ZFHX3: variants seen among roughly 807,000 people sequenced by gnomAD.
ZFHX3 encodes zinc finger homeobox 3.
Under a neutral mutation model 279.1 loss-of-function variants are expected in ZFHX3, and 42 were observed. The observed-to-expected ratio is 0.15, with a 90% CI of 0.12 to 0.19. ZFHX3 has a LOEUF of 0.19. Among genes scored for constraint, ZFHX3 ranks in the 10% least tolerant of loss-of-function variants. The probability of loss-of-function intolerance (pLI) is 1.00; values close to 1 mark genes in which losing one functional copy is unlikely to be tolerated. For missense variants in ZFHX3, 4,981 were observed against 4,754.0 expected (o/e 1.05, Z -1.40); for synonymous variants, 2,293 against 1,957.8 (o/e 1.17, Z -4.52).
intron 4 of ZFHX3, among the ~76,000 whole-genome samples, chr16:72,850,574 G>A (rs1567547240): frequency 6.6e-6 from 1 of 152,160 alleles, no homozygotes; most frequent in African/African-American, 2.4e-5. Context: ...TGGGTCCACA[G>A]AACCATGGAC....
chr16:72,822,838 G>T (rs1347161674), intron 5 of ZFHX3, among the ~76,000 whole-genome samples: 1 of 131,396 alleles, frequency 7.6e-6, no homozygotes, highest in East Asian at 2.3e-4. Flanking sequence ...ACCTGCCTTA[G>T]ATATGTGTGC....
intron 1 of ZFHX3, among the ~76,000 whole-genome samples, chr16:73,014,832 C>T (rs935907779): frequency 6.6e-6 from 1 of 151,756 alleles, no homozygotes; most frequent in Non-Finnish European, 1.5e-5. Context: ...CTTCTTACGG[C>T]ATCAAGAGGA....
chr16:73,096,922 T>G (rs1966171249), intron 7 of ZFHX3, among the ~76,000 whole-genome samples: 1 of 152,146 alleles, frequency 6.6e-6, no homozygotes, highest in African/African-American at 2.4e-5. Flanking sequence ...AGATGAGATC[T>G]TAAAACACAG....
rs573108428 is a variant in ZFHX3 at position 73,613,013 on chromosome 16, C to T, written c.-1547+67167G>A. 3.3e-5 allele frequency among the ~76,000 whole-genome samples: 5 copies of T among 152,250 alleles called. No individual in the cohort carries two copies. In the East Asian group the frequency reaches 9.6e-4, roughly 29 times the overall value. On this transcript the variant is annotated intron_variant, in intron 2 of 17. Coordinates refer to the ZFHX3 transcript ENST00000641206. ...GAGAAAAAAATTAGAGGAGAAAATT[C>T]TCTAAGAGGAAAGACTAATAAGATA...
intron 3 of ZFHX3, among the ~76,000 whole-genome samples, chr16:73,348,821 G>T (rs2143278704): frequency 6.6e-6 from 1 of 152,320 alleles, no homozygotes; most frequent in South Asian, 2.1e-4. Flanking sequence ...AATTCAGCCT[G>T]CCAGAAGCCC....
At chr16:73,024,158 C>T (rs528175667) in intron 1 of ZFHX3, among the ~76,000 whole-genome samples, 2 of 152,322 alleles carry the variant, frequency 1.3e-5, no homozygotes, top group South Asian at 4.1e-4. Context: ...CCTCATCTCA[C>T]ATCCACACAG....
chr16:72,855,164 C>T (rs1201713154), intron 4 of ZFHX3, among the ~76,000 whole-genome samples: 1 of 152,200 alleles, frequency 6.6e-6, no homozygotes, highest in Non-Finnish European at 1.5e-5. Context: ...ATTGTGGTCA[C>T]GTCAACTCCA....
chr16:73,362,503 C>T (rs574727538), intron 3 of ZFHX3, among the ~76,000 whole-genome samples: 48 of 152,284 alleles, frequency 3.2e-4, no homozygotes, highest in African/African-American at 1.1e-3. Context: ...GGTGTTAGGC[C>T]TCACCAGACA....
intron 7 of ZFHX3, among the ~76,000 whole-genome samples, chr16:73,116,291 A>T (rs1322836627): frequency 6.6e-6 from 1 of 152,062 alleles, no homozygotes; most frequent in African/African-American, 2.4e-5. Flanking sequence ...TGTCCCTTGA[A>T]AATTCTGACT....
intron 1 of ZFHX3, among the ~76,000 whole-genome samples, chr16:73,875,329 G>A (rs963528921): frequency 6.6e-6 from 1 of 152,080 alleles, no homozygotes. Flanking sequence ...ACAATTAACT[G>A]CAAGATCCAA....
At chr16:72,925,062 T>C (rs765764708) in intron 3 of ZFHX3, among the ~76,000 whole-genome samples, 1 of 152,250 alleles carries the variant, frequency 6.6e-6, no homozygotes, top group Non-Finnish European at 1.5e-5. Context: ...GTCCCATTCA[T>C]ATTTGCGGTC....
chr16:73,107,832 T>C (rs1966322835), intron 7 of ZFHX3, among the ~76,000 whole-genome samples: 1 of 152,146 alleles, frequency 6.6e-6, no homozygotes, highest in Admixed American at 6.5e-5. Context: ...CTGAGCAACA[T>C]AGTGAGACTT....
At chr16:72,934,989 TAGAA>T (rs1567592180) in intron 3 of ZFHX3, among the ~76,000 whole-genome samples, 2 of 152,222 alleles carry the variant, frequency 1.3e-5, no homozygotes, top group African/African-American at 4.8e-5. Context: ...TTGAATGTAA[TAGAA>T]AGCATCAGAA....
chr16:73,025,178 T>C (rs1409125444), intron 1 of ZFHX3, among the ~76,000 whole-genome samples: 1 of 151,878 alleles, frequency 6.6e-6, no homozygotes, highest in Non-Finnish European at 1.5e-5. Flanking sequence ...GAGAAGAAAA[T>C]GTCATGTCAG....
chr16:73,715,032 C>T (rs2053401113), intron 1 of ZFHX3, among the ~76,000 whole-genome samples: 1 of 152,202 alleles, frequency 6.6e-6, no homozygotes, highest in Non-Finnish European at 1.5e-5. Context: ...TCCCTACCCC[C>T]ATGAAGTTGC....
chr16:73,654,174 A>T (rs1356429176), intron 2 of ZFHX3, among the ~76,000 whole-genome samples: 2 of 146,188 alleles, frequency 1.4e-5, no homozygotes, highest in East Asian at 3.9e-4. Flanking sequence ...ACAGAGCGAG[A>T]CTCAGTCTCA....
chr16:73,434,166 A>G (rs2017958148), intron 3 of ZFHX3, among the ~76,000 whole-genome samples: 1 of 152,078 alleles, frequency 6.6e-6, no homozygotes, highest in South Asian at 2.1e-4. Context: ...TCGATCTTGG[A>G]CTCGAAAGTT....
chr16:73,804,137 C>T (rs748051825), intron 1 of ZFHX3, among the ~76,000 whole-genome samples: 2 of 151,980 alleles, frequency 1.3e-5, no homozygotes, highest in African/African-American at 4.8e-5. Context: ...AGCTTGGATG[C>T]CAGAGCAGAC....
chr16:72,847,553 G>C (rs532109469), intron 4 of ZFHX3, among the ~76,000 whole-genome samples: 1 of 151,890 alleles, frequency 6.6e-6, no homozygotes, highest in African/African-American at 2.4e-5. Flanking sequence ...AGCACCCCCA[G>C]GGCAGCTGAT....
Sources: allele counts gnomAD v4.1 joint callset (sites outside exome capture counted in the v4.1 genomes callset), GRCh38; gene constraint gnomAD v4.1.1; transcripts MANE v1.5; gene names NCBI Gene and HGNC (gene_info 2026-07-23, HGNC 2026-07-21).